The following TIAM2 variants were observed in gnomAD, a reference collection of about 807,000 sequenced individuals.
TIAM2 encodes TIAM Rac1 associated GEF 2.
TIAM2 carries 80 observed loss-of-function variants against 152.9 expected under a neutral mutation model. The observed-to-expected ratio is 0.52, with a 90% confidence interval of 0.44 to 0.63. The LOEUF is 0.63. Ranked by LOEUF, TIAM2 falls within the 30% of genes least tolerant of loss-of-function variation. The pLI, the probability that TIAM2 is intolerant of heterozygous loss-of-function variation, is 0.00. For synonymous variants in TIAM2, 804 were observed against 838.0 expected (o/e 0.96, Z 0.70); for missense variants, 1,965 against 2,120.1 (o/e 0.93, Z 1.44).
chr6:155,119,237 G>A (rs1055198939), intron 2 of TIAM2, among the ~76,000 whole-genome samples: 2 of 151,928 alleles, frequency 1.3e-5, no homozygotes, highest in African/African-American at 4.8e-5. Flanking sequence ...GTTTCACTGT[G>A]TTGGCCAGGC....
chr6:155,059,307 T>C (rs905446561), intron 1 of TIAM2, among the ~76,000 whole-genome samples: 2 of 145,314 alleles, frequency 1.4e-5, no homozygotes, highest in African/African-American at 5.1e-5. Context: ...TGTGTGTGTG[T>C]GTGTGTGTGT....
At chr6:155,089,893 A>G (rs1021199241) in intron 1 of TIAM2, among the ~76,000 whole-genome samples, 1 of 151,862 alleles carries the variant, frequency 6.6e-6, no homozygotes, top group East Asian at 1.9e-4. Flanking sequence ...TGGCTTGGTC[A>G]CAGTAGGCTT....
intron 1 of TIAM2, among the ~76,000 whole-genome samples, chr6:155,006,757 C>T (rs868320467): frequency 5.9e-5 from 9 of 151,518 alleles, no homozygotes; most frequent in Non-Finnish European, 7.4e-5. Context: ...GGCGTGATCT[C>T]GGCTCACCAC....
At chr6:155,005,656 C>CTT (rs1158345350) in intron 1 of TIAM2, among the ~76,000 whole-genome samples, 11 of 126,602 alleles carry the variant, frequency 8.7e-5, no homozygotes, top group African/African-American at 8.7e-5. Context: ...GAATTCTTTA[C>CTT]TTTTTTTTTT....
At chr6:155,067,328 ATATGTTGGT>A (rs1777717789) in intron 1 of TIAM2, among the ~76,000 whole-genome samples, 1 of 152,086 alleles carries the variant, frequency 6.6e-6, no homozygotes, top group Non-Finnish European at 1.5e-5. Context: ...AACTCCCATA[ATATGTTGGT>A]TATACTTAAG....
intron 5 of TIAM2, among the ~76,000 whole-genome samples, chr6:155,138,800 G>A (rs976126299): frequency 2.0e-4 from 30 of 152,056 alleles, no homozygotes; most frequent in African/African-American, 7.0e-4. Flanking sequence ...ATTCTGTGGT[G>A]TATATGTGCC....
rs1781770211 is a variant in TIAM2, at chr6:155,213,465, T to C, written c.3168+2158T>C. Among the ~76,000 whole-genome samples the C allele has an allele frequency of 6.6e-6, 1 of 152,092 alleles. No individual in the cohort carries two copies. Among genetic ancestry groups the C allele is most frequent in the East Asian group, 1.9e-4 (1 of 5,178 alleles). On this transcript the variant is annotated intron_variant, in intron 15 of 26. Transcript: ENST00000682666. The surrounding 1 kb of genome is among the most constrained non-coding windows in gnomAD (Gnocchi z 4.2). Reference sequence around the variant, plus strand: ...CTCTCCTCAGCTGGTTGTCTCATTGTCTCTTTGAGTCTGGCTGAGTCCAGG... The same window carrying C: ...CTCTCCTCAGCTGGTTGTCTCATTGCCTCTTTGAGTCTGGCTGAGTCCAGG...
intron 12 of TIAM2, among the ~76,000 whole-genome samples, chr6:155,181,748 G>T (rs1780908333): frequency 6.6e-6 from 1 of 152,168 alleles, no homozygotes; most frequent in Non-Finnish European, 1.5e-5. Context: ...GACTGCTCTA[G>T]CTACTCACGT....
Position 155,253,213 on chromosome 6 carries a change from A to G in TIAM2, c.4225+160A>G, listed in dbSNP as rs551847807. On this transcript the variant is annotated intron_variant, in intron 24 of 26. Transcript: ENST00000682666. Reference sequence around the variant, plus strand: ...AGGTTGTTTTGATGTTCCTTAGCAGACTTCTGGGAGAAACTAAATGCTGGT... The same window carrying G: ...AGGTTGTTTTGATGTTCCTTAGCAGGCTTCTGGGAGAAACTAAATGCTGGT... 2.4e-4 allele frequency: 144 copies of G among 595,578 alleles called. 1 individual carries two copies. In the African/African-American group the frequency reaches 2.5e-3, roughly 10 times the overall value. The allele number at this position is 595,578 out of a possible 1,614,324, so 36.9% of individuals were successfully genotyped here. A position where few individuals can be genotyped will look rare whatever the true frequency, so the allele number is the denominator to read the frequency against.
chr6:155,221,298 C>T (rs1782037307), intron 15 of TIAM2, among the ~76,000 whole-genome samples: 1 of 152,102 alleles, frequency 6.6e-6, no homozygotes, highest in Non-Finnish European at 1.5e-5. Flanking sequence ...GGAATGCTGG[C>T]TCTGAAATTA....
At chr6:155,199,166 C>G (rs1161057871) in intron 14 of TIAM2, among the ~76,000 whole-genome samples, 1 of 151,936 alleles carries the variant, frequency 6.6e-6, no homozygotes. Context: ...ACCTCTGCCT[C>G]CCAGGTTCAA....
At chr6:155,028,621 T>C (rs1026891066) in intron 1 of TIAM2, among the ~76,000 whole-genome samples, 23 of 100,642 alleles carry the variant, frequency 2.3e-4, no homozygotes, top group African/African-American at 7.7e-4. Context: ...ATACTACATA[T>C]AATATATATA....
chr6:155,101,014 G>T (rs1051821385), intron 2 of TIAM2, among the ~76,000 whole-genome samples: 2 of 152,136 alleles, frequency 1.3e-5, no homozygotes, highest in Non-Finnish European at 2.9e-5. Flanking sequence ...GTACATTTGC[G>T]TGGGTTTTCA....
At chr6:155,079,808 C>T (rs1204988009) in intron 1 of TIAM2, among the ~76,000 whole-genome samples, 5 of 152,070 alleles carry the variant, frequency 3.3e-5, no homozygotes, top group Non-Finnish European at 2.9e-5. Flanking sequence ...ATCAGCTGGG[C>T]GTGATGGTGC....
At chr6:155,199,278 A>G (rs896048458) in intron 14 of TIAM2, among the ~76,000 whole-genome samples, 2 of 152,032 alleles carry the variant, frequency 1.3e-5, no homozygotes, top group African/African-American at 4.8e-5. Flanking sequence ...GGGTTTCACC[A>G]TGTTGGCCAG....
At chr6:155,052,070 G>C (rs767300326) in intron 1 of TIAM2, among the ~76,000 whole-genome samples, 5 of 152,146 alleles carry the variant, frequency 3.3e-5, no homozygotes, top group African/African-American at 4.8e-5. Context: ...AACTCACCTA[G>C]CAGTTACCAC....
chr6:155,028,341 AC>A (rs1776676522), intron 1 of TIAM2, among the ~76,000 whole-genome samples: 2 of 126,698 alleles, frequency 1.6e-5, no homozygotes, highest in African/African-American at 6.6e-5. Flanking sequence ...TATAATATAT[AC>A]TGTGTTACAT....
chr6:155,068,802 G>A (rs1462533741), intron 1 of TIAM2, among the ~76,000 whole-genome samples: 2 of 151,970 alleles, frequency 1.3e-5, no homozygotes, highest in South Asian at 2.1e-4. Context: ...ATGGGATCTC[G>A]CCATGTTGCC....
intron 2 of TIAM2, among the ~76,000 whole-genome samples, chr6:155,111,298 T>TACACACACACACACACACAC (rs57988099): frequency 1.4e-5 from 2 of 138,328 alleles, no homozygotes; most frequent in Admixed American, 1.5e-4. Context: ...ATTCTTGGAA[T>TACACACACACACACACACAC]ACACACACAC....
Sources: gnomAD v4.1 joint callset for allele counts (sites outside exome capture counted in the v4.1 genomes callset) on GRCh38, gnomAD v4.1.1 for gene constraint, Gnocchi (gnomAD v3.1) non-coding constraint, MANE v1.5 for transcripts, NCBI Gene and HGNC (gene_info 2026-07-23, HGNC 2026-07-21) for gene names.